Variants in RAET1L observed in about 807,000 individuals in gnomAD.
The protein encoded by RAET1L is UL16-binding protein 6.
In RAET1L, 16 loss-of-function variants were observed where a neutral mutation model predicts 23.9. The observed-to-expected ratio is 0.67, with a 90% CI of 0.45 to 1.02. RAET1L has a LOEUF of 1.02. Among genes scored for constraint, RAET1L ranks in the 50% least tolerant of loss-of-function variants. RAET1L has a pLI of 0.00. For missense variants in RAET1L, 233 were observed against 304.0 expected, an observed-to-expected ratio of 0.77 and a Z score of 1.74; for synonymous variants, 70 against 111.2, an observed-to-expected ratio of 0.63 and a Z score of 2.33.
Position 150,020,372 on chromosome 6 carries a change from C to T in RAET1L, c.632-133G>A, listed in dbSNP as rs865878983. The T allele has an allele frequency of 2.9e-4, 447 of 1,534,994 alleles. 8 individuals carry two copies. In the Middle Eastern group the frequency reaches 0.012, roughly 41 times the overall value. ...CCCCTCCCCCCTGGTGTGGGGCAGCCAGTATGACAGGTCCTGGCTTAGGAA... is the reference window on the plus strand; with the variant it reads ...CCCCTCCCCCCTGGTGTGGGGCAGCTAGTATGACAGGTCCTGGCTTAGGAA... On this transcript the variant is annotated intron_variant, in intron 3 of 4. Coordinates refer to ENST00000367341, the MANE Select transcript of RAET1L (RefSeq NM_130900.3).
intron 1 of RAET1L, among the ~76,000 whole-genome samples, chr6:150,024,147 G>C (rs1779918594): frequency 6.6e-6 from 1 of 152,128 alleles, no homozygotes; most frequent in Admixed American, 6.5e-5. Flanking sequence ...GGTCCCCATG[G>C]ATGCCACTCA....
intron 1 of RAET1L, 122 bp downstream of exon 1, chr6:150,025,265 G>A (rs1187466090): frequency 1.0e-5 from 8 of 765,712 alleles, no homozygotes; most frequent in African/African-American, 8.7e-5. Flanking sequence ...ACTGAGCTGG[G>A]GGCGCAGTTC....
intron 2 of RAET1L, 61 bp downstream of exon 2, chr6:150,021,919 T>C: frequency 3.1e-6 from 5 of 1,596,238 alleles, no homozygotes; most frequent in Non-Finnish European, 4.3e-6. Flanking sequence ...ATGAAAACTA[T>C]AAATGCCTCT....
intron 2 of RAET1L, 74 bp from the exon 3 acceptor site, chr6:150,021,260 G>C (rs9479414): frequency 0.44 from 659,150 of 1,508,140 alleles, 147,438 homozygotes; most frequent in Admixed American, 0.62. Flanking sequence ...CTTACAATTT[G>C]CTGGCCTTAC....
intron 4 of RAET1L, among the ~76,000 whole-genome samples, chr6:150,019,371 C>G (rs116203892): frequency 6.6e-6 from 1 of 152,160 alleles, no homozygotes; most frequent in Non-Finnish European, 1.5e-5. Flanking sequence ...CCGTGGAACC[C>G]CAGCAGCAGC....
intron 2 of RAET1L, 45 bp downstream of exon 2, chr6:150,021,935 A>C (rs1779893996): frequency 6.2e-7 from 1 of 1,609,286 alleles, no homozygotes; most frequent in East Asian, 2.2e-5. Flanking sequence ...CCTCTAACCT[A>C]CCACTGTATC....
At chr6:150,021,252 T>G in intron 2 of RAET1L, 66 bp from the exon 3 acceptor site, 1 of 1,535,420 alleles carries the variant, frequency 6.5e-7, no homozygotes, top group Non-Finnish European at 8.9e-7. Flanking sequence ...CTGTTCCCCT[T>G]ACAATTTGCT....
intron 1 of RAET1L, among the ~76,000 whole-genome samples, chr6:150,023,687 G>A (rs925838632): frequency 6.6e-6 from 1 of 152,168 alleles, no homozygotes; most frequent in African/African-American, 2.4e-5. Context: ...TAAGATCCTA[G>A]AGGTACATGT....
chr6:150,024,452 C>T (rs957045195), intron 1 of RAET1L, among the ~76,000 whole-genome samples: 3 of 152,088 alleles, frequency 2.0e-5, no homozygotes, highest in African/African-American at 7.2e-5. Flanking sequence ...GAACCCATGG[C>T]CTGCAAAGAT....
At chr6:150,019,181 A>G (rs966683546) in intron 4 of RAET1L, among the ~76,000 whole-genome samples, 8 of 152,156 alleles carry the variant, frequency 5.3e-5, no homozygotes, top group Admixed American at 1.3e-4. Flanking sequence ...AAGGGGTGGG[A>G]CAGACTTCCA....
intron 3 of RAET1L, 22 bp downstream of exon 3, chr6:150,020,883 C>G: frequency 6.2e-7 from 1 of 1,611,410 alleles, no homozygotes; most frequent in South Asian, 1.1e-5. Flanking sequence ...TTTAAGATCC[C>G]CGTTTCTTTT....
chr6:150,025,409 G>T lies in RAET1L; in HGVS notation c.63C>A (p.Gly21=). The T allele has an allele frequency of 6.2e-7, 1 of 1,613,986 alleles. No individual in the cohort carries two copies. The highest frequency in any genetic ancestry group is 1.7e-4 in the Middle Eastern group (1 of 6,048). Residue 21 remains glycine (G), a synonymous_variant, in exon 1 of 5, where the codon GGC becomes GGA. Transcript: ENST00000367341. ...LCLPLLFLLF[G]WSRARRDDPH... ...CACCGTCTCGCCTAGCCCGGGACCAGCCGAACAGCAGGAACAGAAGCGGGA... is the reference window on the plus strand; with the variant it reads ...CACCGTCTCGCCTAGCCCGGGACCATCCGAACAGCAGGAACAGAAGCGGGA...
intron 1 of RAET1L, among the ~76,000 whole-genome samples, chr6:150,025,057 G>C (rs1041864541): frequency 6.6e-6 from 1 of 152,110 alleles, no homozygotes; most frequent in Non-Finnish European, 1.5e-5. Context: ...CTGTTCCCGG[G>C]GGGGCTCTGG....
Position 150,020,982 on chromosome 6 carries a change from A to T in RAET1L, c.554T>A (p.Ile185Asn), listed in dbSNP as rs765077239. 2 of 1,614,190 alleles carry T rather than the reference A, an allele frequency of 1.2e-6. No individual in the cohort carries two copies. Among genetic ancestry groups the T allele is most frequent in the East Asian group, 4.5e-5 (2 of 44,884 alleles). Residue 185 changes from isoleucine (I) to asparagine (N), a missense_variant, in exon 3 of 5, where the codon ATC becomes AAC. Ile to Asn is a moderately radical substitution (Grantham distance 149). Around this residue, in one of 4 missense-constraint regions of RAET1L, gnomAD observed 139 missense variants for 125.3 expected, o/e 1.11. Coordinates refer to ENST00000367341, the MANE Select transcript of RAET1L (RefSeq NM_130900.3). ...CCATCCTATGCAGTCTCCCATTGAG[A>T]TGTAATGGAAGGACATGGCCACATC... is the stretch of plus-strand genomic sequence containing the variant. ...DKDVAMSFHY[I>N]SMGDCIGWLE...
At chr6:150,024,536 G>A (rs1396548873) in intron 1 of RAET1L, among the ~76,000 whole-genome samples, 1 of 150,644 alleles carries the variant, frequency 6.6e-6, no homozygotes, top group African/African-American at 2.5e-5. Flanking sequence ...TCTCTATGAC[G>A]CTGACACCCC....
At chr6:150,019,329 C>T (rs570224022) in intron 4 of RAET1L, among the ~76,000 whole-genome samples, 2 of 152,222 alleles carry the variant, frequency 1.3e-5, no homozygotes, top group Admixed American at 6.5e-5. Context: ...CCCTGTTCCA[C>T]CTTTTCCATT....
Position 150,018,773 on chromosome 6 carries a change from G to A in RAET1L, c.*105C>T, listed in dbSNP as rs901624210. 7.3e-5 allele frequency: 19 copies of A among 259,584 alleles called. No homozygotes were observed. In the East Asian group the frequency reaches 1.0e-3, roughly 14 times the overall value. The allele number at this position is 259,584 out of a possible 1,614,324, so 16.1% of individuals were successfully genotyped here. On this transcript the variant is annotated 3_prime_UTR_variant, in exon 5 of 5. Coordinates refer to ENST00000367341, the MANE Select transcript of RAET1L (RefSeq NM_130900.3). ...TGCTGGAGGCTGCTGGACATACACCGTAGGTGGTGGGCAGCTGGCCAGACA... is the reference window on the plus strand; with the variant it reads ...TGCTGGAGGCTGCTGGACATACACCATAGGTGGTGGGCAGCTGGCCAGACA...
chr6:150,019,057 C>A (rs1378649336), intron 4 of RAET1L, among the ~76,000 whole-genome samples: 1 of 152,200 alleles, frequency 6.6e-6, no homozygotes, highest in Non-Finnish European at 1.5e-5. Context: ...CCAGGCCCTG[C>A]ACCTGACCAG....
At chr6:150,019,026 T>G (rs148801810) in intron 4 of RAET1L, among the ~76,000 whole-genome samples, 171 bp from the exon 5 acceptor site, 4,296 of 152,218 alleles carry the variant, frequency 0.028, 209 homozygotes, top group African/African-American at 0.098. Flanking sequence ...CTTTCCTCCT[T>G]TGTCACATCA....
Sources: allele counts gnomAD v4.1 joint callset (sites outside exome capture counted in the v4.1 genomes callset), GRCh38; gene constraint gnomAD v4.1.1; regional missense constraint gnomAD v4.1.1; transcripts MANE v1.5; gene names NCBI Gene and HGNC (gene_info 2026-07-23, HGNC 2026-07-21).